The following CSMD1 variants were observed in gnomAD, a reference collection of about 807,000 sequenced individuals.
CSMD1 encodes CUB and sushi domain-containing protein 1.
A neutral mutation model predicts 417.5 loss-of-function variants in CSMD1; 213 were observed. The ratio of observed to expected loss-of-function variants is 0.51; its 90% CI spans 0.46 to 0.57. The LOEUF (loss-of-function observed/expected upper bound fraction) is 0.57. Ranked by LOEUF, CSMD1 falls within the 20% of genes least tolerant of loss-of-function variation. The pLI is 0.00. For missense variants in CSMD1, 6,923 were observed against 4,529.7 expected (o/e 1.53, Z -15.17); for synonymous variants, 2,862 against 1,736.8 (o/e 1.65, Z -16.11).
At chr8:3,429,123 G>A (rs1482572852) in intron 12 of CSMD1, among the ~76,000 whole-genome samples, 1 of 152,142 alleles carries the variant, frequency 6.6e-6, no homozygotes, top group South Asian at 2.1e-4. Context: ...CTATTGTACA[G>A]AAGGGTGATT....
At chr8:4,732,784 ATCCTCCAGGATTTAGTAAC>A (rs1563245603) in intron 1 of CSMD1, among the ~76,000 whole-genome samples, 1 of 152,142 alleles carries the variant, frequency 6.6e-6, no homozygotes, top group Non-Finnish European at 1.5e-5. Context: ...TTGTGCCCAA[ATCCTCCAGGATTTAGTAAC>A]TCCAGGCAGT....
chr8:3,060,151 C>CT (rs34354746), intron 49 of CSMD1, among the ~76,000 whole-genome samples: 11,709 of 139,998 alleles, frequency 0.084, 774 homozygotes, highest in African/African-American at 0.18. Flanking sequence ...TTACTAACAA[C>CT]TTTTTTTTTT....
rs181323851 is a variant in CSMD1, at chr8:3,826,341, G to C, written c.819-72299C>G. ...GGGGCTTGAAATGAGCTAAAAGAAT[G>C]TTTGGGTTTGAAAATTGCCTCTGAT... On this transcript the variant is annotated intron_variant, in intron 5 of 69. Transcript: ENST00000635120. Among the ~76,000 whole-genome samples the C allele has an allele frequency of 1.9e-3, 286 of 152,242 alleles. No individual in the cohort carries two copies. The Middle Eastern group carries it at 0.02, about 11-fold the overall frequency.
At chr8:4,755,922 C>G (rs1293017249) in intron 1 of CSMD1, among the ~76,000 whole-genome samples, 5 of 152,138 alleles carry the variant, frequency 3.3e-5, no homozygotes, top group Non-Finnish European at 7.4e-5. Flanking sequence ...TTCCAGTGAA[C>G]TCTACACATT....
chr8:3,617,755 A>C (rs138821350), intron 7 of CSMD1, among the ~76,000 whole-genome samples: 1 of 152,280 alleles, frequency 6.6e-6, no homozygotes, highest in East Asian at 1.9e-4. Context: ...AAATCAACCA[A>C]TTTAGGAGCA....
chr8:4,784,954 G>A (rs924763021), intron 1 of CSMD1, among the ~76,000 whole-genome samples: 6 of 149,582 alleles, frequency 4.0e-5, no homozygotes, highest in East Asian at 1.9e-4. Flanking sequence ...AGGCTCATAA[G>A]TGGTAAAAAA....
chr8:3,871,977 A>G (rs149492704), intron 5 of CSMD1, among the ~76,000 whole-genome samples: 1 of 152,200 alleles, frequency 6.6e-6, no homozygotes, highest in African/African-American at 2.4e-5. Context: ...GTGAGCTACA[A>G]ACCTGCACTA....
intron 1 of CSMD1, among the ~76,000 whole-genome samples, chr8:4,832,535 G>C (rs569445884): frequency 2.0e-5 from 3 of 152,142 alleles, no homozygotes; most frequent in Non-Finnish European, 2.9e-5. Flanking sequence ...AAACATGGAG[G>C]CATGAGGTAT....
At chr8:4,279,034 A>T (rs1226620200) in intron 3 of CSMD1, among the ~76,000 whole-genome samples, 1 of 152,208 alleles carries the variant, frequency 6.6e-6, no homozygotes, top group African/African-American at 2.4e-5. Context: ...CTATGGACAC[A>T]TTACTTTCCA....
intron 3 of CSMD1, among the ~76,000 whole-genome samples, chr8:4,300,238 G>A (rs1437534143): frequency 2.6e-5 from 4 of 152,302 alleles, no homozygotes; most frequent in East Asian, 3.9e-4. Flanking sequence ...GTATAAAGTC[G>A]TTTGTAAACA....
chr8:4,453,611 C>A (rs879891244), intron 2 of CSMD1, among the ~76,000 whole-genome samples: 20 of 152,094 alleles, frequency 1.3e-4, no homozygotes, highest in African/African-American at 3.4e-4. Context: ...ATCGACAGCA[C>A]AGTGCTGAGA....
intron 5 of CSMD1, among the ~76,000 whole-genome samples, chr8:3,887,471 G>A (rs2688384): frequency 0.05 from 7,682 of 152,206 alleles, 630 homozygotes; most frequent in African/African-American, 0.17. Context: ...TTTGTTCTAG[G>A]CGTCCAGTTC....
chr8:4,256,292 G>C (rs377735643), intron 3 of CSMD1, among the ~76,000 whole-genome samples: 1 of 152,170 alleles, frequency 6.6e-6, no homozygotes, highest in East Asian at 1.9e-4. Flanking sequence ...TTATGATGCA[G>C]AGTGAAATGT....
chr8:4,022,213 T>C (rs1239229739), intron 4 of CSMD1, among the ~76,000 whole-genome samples: 1 of 148,872 alleles, frequency 6.7e-6, no homozygotes, highest in Non-Finnish European at 1.5e-5. Flanking sequence ...AATAGCATTG[T>C]TATTGGTAAT....
chr8:3,401,260 T>C (rs1812023577), intron 15 of CSMD1, among the ~76,000 whole-genome samples: 1 of 152,132 alleles, frequency 6.6e-6, no homozygotes, highest in African/African-American at 2.4e-5. Context: ...TGATAAGTTA[T>C]TTCTATGTGT....
chr8:3,426,741 T>C (rs1447943930), intron 12 of CSMD1, among the ~76,000 whole-genome samples: 1 of 152,232 alleles, frequency 6.6e-6, no homozygotes, highest in African/African-American at 2.4e-5. Flanking sequence ...TACTAAAATG[T>C]AGGCCTGACA....
intron 3 of CSMD1, among the ~76,000 whole-genome samples, chr8:4,269,933 C>T (rs1804472240): frequency 6.6e-6 from 1 of 152,054 alleles, no homozygotes; most frequent in Non-Finnish European, 1.5e-5. Flanking sequence ...GCGTTCAAGC[C>T]AACAGTTGGG....
chr8:3,149,527 G>C (rs1234171284), intron 40 of CSMD1, among the ~76,000 whole-genome samples: 1 of 152,094 alleles, frequency 6.6e-6, no homozygotes, highest in Non-Finnish European at 1.5e-5. Context: ...CACCAAGCTG[G>C]AGCGCAGTGG....
chr8:4,734,001 AAAGAAAG>A (rs1810064807), intron 1 of CSMD1, among the ~76,000 whole-genome samples: 3 of 152,214 alleles, frequency 2.0e-5, no homozygotes, highest in Non-Finnish European at 4.4e-5. Flanking sequence ...TTCTCTTATC[AAAGAAAG>A]AAGTCCTTCT....
Sources: allele counts gnomAD v4.1 joint callset (sites outside exome capture counted in the v4.1 genomes callset), GRCh38; gene constraint gnomAD v4.1.1; transcripts MANE v1.5; gene names NCBI Gene and HGNC (gene_info 2026-07-23, HGNC 2026-07-21).